NHS: variants seen among roughly 807,000 people sequenced by gnomAD.
The protein encoded by NHS is NHS actin remodeling regulator, also known as actin remodeling regulator NHS.
NHS carries 5 observed loss-of-function variants against 72.5 expected under a neutral mutation model. The ratio of observed to expected loss-of-function variants is 0.07; its 90% CI spans 0.04 to 0.14. The LOEUF (loss-of-function observed/expected upper bound fraction) is 0.14. NHS is among the 10% of genes least tolerant of loss of function. The probability of loss-of-function intolerance (pLI) is 1.00; values close to 1 mark genes in which losing one functional copy is unlikely to be tolerated. For missense variants in NHS, 1,072 were observed against 1,355.7 expected (o/e 0.79, Z 3.29); for synonymous variants, 464 against 547.7 (o/e 0.85, Z 2.13).
intron 1 of NHS, among the ~76,000 whole-genome samples, chrX:17,589,755 A>C (rs1300957213): frequency 8.9e-6 from 1 of 112,065 alleles, no homozygotes; most frequent in Non-Finnish European, 1.9e-5. Context: ...AGGAATCTCC[A>C]CACTGTTTTC....
At chrX:17,443,781 A>G (rs2064766978) in intron 1 of NHS, among the ~76,000 whole-genome samples, 2 of 112,276 alleles carry the variant, frequency 1.8e-5, no homozygotes, top group South Asian at 7.6e-4. Context: ...TTCAGCCCTT[A>G]GAAAGAAATC....
intron 3 of NHS, among the ~76,000 whole-genome samples, chrX:17,703,606 G>A (rs185861968): frequency 3.6e-5 from 4 of 112,354 alleles, no homozygotes; most frequent in African/African-American, 6.5e-5. Context: ...AAGCCAGGAA[G>A]CCAATATAAC....
rs550165277 is a variant in NHS, at chrX:17,548,542, A to G, written c.566-139200A>G. Among the ~76,000 whole-genome samples, 14 of 111,589 alleles carry G rather than the reference A, an allele frequency of 1.3e-4. No homozygotes were observed. In the South Asian group the frequency reaches 5.3e-3, roughly 42 times the overall value. On this transcript the variant is annotated intron_variant, in intron 1 of 8. Coordinates refer to ENST00000676302, the MANE Select transcript of NHS (RefSeq NM_001291867.2). Reference sequence around the variant, plus strand: ...TACAGGAGAGATTCAAGACTGCTAGAAACTAGGGCCATGCATGTATGCACA... The same window carrying G: ...TACAGGAGAGATTCAAGACTGCTAGGAACTAGGGCCATGCATGTATGCACA...
chrX:17,406,026 T>C (rs1323552951), intron 1 of NHS, among the ~76,000 whole-genome samples: 1 of 111,919 alleles, frequency 8.9e-6, no homozygotes, highest in African/African-American at 3.3e-5. Flanking sequence ...ACCAACAATT[T>C]AGTTTGAAAA....
intron 1 of NHS, among the ~76,000 whole-genome samples, chrX:17,462,016 C>T (rs1785616919): frequency 9.0e-6 from 1 of 111,200 alleles, no homozygotes; most frequent in African/African-American, 3.3e-5. Context: ...AAGCAAGTCA[C>T]ATGGTCAGCT....
intron 1 of NHS, among the ~76,000 whole-genome samples, chrX:17,456,975 A>G (rs1282100950): frequency 8.9e-6 from 1 of 112,383 alleles, no homozygotes; most frequent in Non-Finnish European, 1.9e-5. Flanking sequence ...CTCAAACTCC[A>G]TAAGCTGAGA....
intron 1 of NHS, among the ~76,000 whole-genome samples, chrX:17,599,539 A>G (rs1440862339): frequency 9.0e-6 from 1 of 110,916 alleles, no homozygotes; most frequent in African/African-American, 3.3e-5. Flanking sequence ...CTCCCACCCT[A>G]TTAACATCTT....
intron 1 of NHS, among the ~76,000 whole-genome samples, chrX:17,686,628 T>C (rs1482492537): frequency 8.9e-6 from 1 of 112,320 alleles, no homozygotes; most frequent in Non-Finnish European, 1.9e-5. Flanking sequence ...GTCCTCTCTG[T>C]TGGGTTTGGT....
At chrX:17,497,751 C>T (rs1347283990) in intron 1 of NHS, among the ~76,000 whole-genome samples, 1 of 112,023 alleles carries the variant, frequency 8.9e-6, no homozygotes, top group Non-Finnish European at 1.9e-5. Context: ...TTAAACATAT[C>T]GATACACATG....
chrX:17,677,621 C>G (rs142825052), intron 1 of NHS, among the ~76,000 whole-genome samples: 2,286 of 111,035 alleles, frequency 0.021, 54 homozygotes, highest in African/African-American at 0.067. Context: ...TACTCACAAT[C>G]ACATGGAGAA....
chrX:17,667,870 G>A (rs1360866181), intron 1 of NHS, among the ~76,000 whole-genome samples: 4 of 110,409 alleles, frequency 3.6e-5, no homozygotes, highest in African/African-American at 1.3e-4. Context: ...TTCCCTAAGC[G>A]GGGTCATGGA....
intron 1 of NHS, among the ~76,000 whole-genome samples, chrX:17,673,177 AACACACACACACACACACACAC>A (rs56271300): frequency 5.7e-3 from 372 of 65,511 alleles, no homozygotes; most frequent in Admixed American, 0.012. Context: ...TGGAAGATGA[AACACACACACACACACACACAC>A]ACACACACAC....
intron 1 of NHS, among the ~76,000 whole-genome samples, chrX:17,525,668 G>A (rs765110473): frequency 2.3e-5 from 2 of 88,811 alleles, no homozygotes; most frequent in East Asian, 7.0e-4. Context: ...TTACTACAGT[G>A]GAAGGGGTTT....
intron 1 of NHS, among the ~76,000 whole-genome samples, chrX:17,684,065 AGGGG>A (rs2066144876): frequency 9.0e-6 from 1 of 111,398 alleles, no homozygotes; most frequent in Non-Finnish European, 1.9e-5. Context: ...GGTTTTATAA[AGGGG>A]AGTTCCCCTG....
At chrX:17,439,904 T>G in intron 1 of NHS, among the ~76,000 whole-genome samples, 1 of 111,823 alleles carries the variant, frequency 8.9e-6, no homozygotes, top group Non-Finnish European at 1.9e-5. Context: ...GTAAGAGTAG[T>G]TACTGTTTCA....
chrX:17,713,262 A>G (rs1218241878), intron 3 of NHS, among the ~76,000 whole-genome samples: 1 of 112,023 alleles, frequency 8.9e-6, no homozygotes, highest in Non-Finnish European at 1.9e-5. Flanking sequence ...GCTGAGGCCA[A>G]TAGGACACAG....
chrX:17,556,108 T>C (rs1370495103), intron 1 of NHS, among the ~76,000 whole-genome samples: 1 of 112,441 alleles, frequency 8.9e-6, no homozygotes. Flanking sequence ...AGTTAGCCTA[T>C]GGAGGGGAAT....
chrX:17,718,212 C>CCTGG (rs1473815624), intron 3 of NHS, among the ~76,000 whole-genome samples: 1 of 109,207 alleles, frequency 9.2e-6, no homozygotes, highest in Non-Finnish European at 1.9e-5. Context: ...AGGAATTGCC[C>CCTGG]CTGGCCACAC....
intron 1 of NHS, among the ~76,000 whole-genome samples, chrX:17,537,159 A>G (rs780094044): frequency 8.9e-6 from 1 of 112,431 alleles, no homozygotes; most frequent in Admixed American, 9.4e-5. Flanking sequence ...TCGGGCACGT[A>G]TATGGCACCA....
Sources: allele counts gnomAD v4.1 joint callset (sites outside exome capture counted in the v4.1 genomes callset), GRCh38; gene constraint gnomAD v4.1.1; transcripts MANE v1.5; gene names NCBI Gene and HGNC (gene_info 2026-07-23, HGNC 2026-07-21).